PCDHA1: variants seen among roughly 807,000 people sequenced by gnomAD.
PCDHA1 encodes the protein protocadherin alpha 1.
Under a neutral mutation model 61.3 loss-of-function variants are expected in PCDHA1, and 42 were observed. That is an observed-to-expected ratio of 0.69 (90% CI 0.54 to 0.89). PCDHA1 has a LOEUF of 0.89. Among genes scored for constraint, PCDHA1 ranks in the 40% least tolerant of loss-of-function variants. The pLI, the probability that PCDHA1 is intolerant of heterozygous loss-of-function variation, is 0.00. For missense variants in PCDHA1, 1,256 were observed against 1,235.3 expected, an observed-to-expected ratio of 1.02 and a Z score of -0.25; for synonymous variants, 610 against 553.8, an observed-to-expected ratio of 1.10 and a Z score of -1.43.
intron 1 of PCDHA1, chr5:140,834,773 T>G (rs1773277984): frequency 1.9e-6 from 3 of 1,613,730 alleles, no homozygotes; most frequent in African/African-American, 1.3e-5. Flanking sequence ...ACGACAACCC[T>G]CCGGTGTTCC....
rs1374151299 is a variant in PCDHA1 at position 141,010,790 on chromosome 5, A to G, written c.*853A>G. The G allele has an allele frequency of 2.0e-5, 3 of 153,822 alleles. No homozygotes were observed. Among genetic ancestry groups the G allele is most frequent in the Admixed American group, 6.5e-5 (1 of 15,286 alleles). The allele number at this position is 153,822 out of a possible 1,614,324, so 9.5% of individuals were successfully genotyped here. Reference sequence around the variant, plus strand: ...CTTTTCCAATACTTATGCAAAAGCAAAAGAAAACCCCGACACCTCACCTTT... The same window carrying G: ...CTTTTCCAATACTTATGCAAAAGCAGAAGAAAACCCCGACACCTCACCTTT... On this transcript the variant is annotated 3_prime_UTR_variant, in exon 4 of 4. Coordinates refer to ENST00000504120, the MANE Select transcript of PCDHA1 (RefSeq NM_018900.4).
At chr5:140,798,866 A>G (rs1426927242) in intron 1 of PCDHA1, among the ~76,000 whole-genome samples, 1 of 152,182 alleles carries the variant, frequency 6.6e-6, no homozygotes, top group Non-Finnish European at 1.5e-5. Flanking sequence ...GTCCTCTACT[A>G]TTTAGTTCTT....
chr5:140,867,485 T>C (rs1329188157), intron 1 of PCDHA1: 1 of 152,044 alleles, frequency 6.6e-6, no homozygotes, highest in Non-Finnish European at 1.5e-5. Context: ...AAAGAGTAAA[T>C]ATGAAAAAAG....
At position 140,946,611 on chromosome 5, in the gene PCDHA1, A is replaced by AATATATATATATATATAT. The variant is rs1554217734; in HGVS notation, c.2395-32334_2395-32317dup. Among the ~76,000 whole-genome samples, 487 of 86,718 alleles carry AATATATATATATATATAT rather than the reference A, an allele frequency of 5.6e-3. 17 individuals are homozygous for AATATATATATATATATAT. The highest frequency in any genetic ancestry group is 0.01 in the African/African-American group (158 of 15,660). 56.9% of individuals were successfully genotyped at this position (86,718 alleles called of 152,430 possible). The stretch of plus-strand genomic sequence containing the variant: ...GGATGAATAGATAAAGAAAATGTGA[A>AATATATATATATATATAT]ATATATATATATATATATATACAAT... On this transcript the variant is annotated intron_variant, in intron 1 of 3. Coordinates refer to ENST00000504120, the MANE Select transcript of PCDHA1 (RefSeq NM_018900.4).
chr5:140,927,078 C>T, intron 1 of PCDHA1: 1 of 1,611,014 alleles, frequency 6.2e-7, no homozygotes, highest in Non-Finnish European at 8.5e-7. Context: ...CCAGCCACCG[C>T]GAGCTCTACT....
intron 1 of PCDHA1, among the ~76,000 whole-genome samples, chr5:140,789,030 T>G (rs1554118351): frequency 6.6e-6 from 1 of 152,240 alleles, no homozygotes; most frequent in East Asian, 1.9e-4. Context: ...TGTTATCTTT[T>G]CTGGTGAAAT....
intron 1 of PCDHA1, among the ~76,000 whole-genome samples, chr5:140,912,343 ATTTTT>A (rs35252606): frequency 7.0e-6 from 1 of 143,858 alleles, no homozygotes; most frequent in Non-Finnish European, 1.5e-5. Context: ...TACACTAAGT[ATTTTT>A]TTTTTTTTTT....
chr5:140,978,994 G>A lies in PCDHA1; in HGVS notation c.2440G>A (p.Ala814Thr). The A allele has an allele frequency of 6.2e-7, 1 of 1,614,152 alleles. No homozygotes were observed. The highest frequency in any genetic ancestry group is 8.5e-7 in the Non-Finnish European group (1 of 1,180,022). The change falls in exon 2 of 4, where the codon GCA (alanine) becomes ACA (threonine). Residue 814 changes from alanine to threonine, a missense_variant. Coordinates refer to ENST00000504120, the MANE Select transcript of PCDHA1 (RefSeq NM_018900.4). ...CTGGCGTTACTCTGCCTCCCTGAGA[G>A]CAGGCATGCACAGGTATGTATTTCC... ...PDWRYSASLR[A>T]GMHSSVHLEE... is the part of the protein sequence containing the mutation.
rs782520846 is a variant in PCDHA1, at chr5:140,842,848, G to T, written c.2394+54164G>T. On this transcript the variant is annotated intron_variant, in intron 1 of 3. Coordinates refer to ENST00000504120, the MANE Select transcript of PCDHA1 (RefSeq NM_018900.4). ...AGCGCTCGCTGTCGAGCTACATTTC[G>T]GTGCACACGGAGAGCGGCAAGGTGT... The T allele has an allele frequency of 1.9e-6, 3 of 1,593,918 alleles. 1 individual carries two copies. Among genetic ancestry groups the T allele is most frequent in the Non-Finnish European group, 2.6e-6 (3 of 1,165,378 alleles).
intron 1 of PCDHA1, among the ~76,000 whole-genome samples, chr5:140,838,279 A>AT (rs1775640988): frequency 3.2e-5 from 2 of 62,672 alleles, no homozygotes; most frequent in Non-Finnish European, 5.9e-5. Context: ...AAGCCATGCT[A>AT]ATTTTTTTTT....
intron 1 of PCDHA1, among the ~76,000 whole-genome samples, chr5:140,974,729 G>C (rs1007565470): frequency 2.6e-5 from 4 of 152,032 alleles, no homozygotes; most frequent in African/African-American, 9.7e-5. Flanking sequence ...TCGAACTCCT[G>C]TCTCCACCTT....
At chr5:140,795,234 C>T (rs1474265282) in intron 1 of PCDHA1, 3 of 1,614,200 alleles carry the variant, frequency 1.9e-6, no homozygotes, top group South Asian at 1.1e-5. Flanking sequence ...ATTCTCGGAT[C>T]GACCGGGAGG....
chr5:140,966,767 A>G, intron 1 of PCDHA1: 1 of 1,484,362 alleles, frequency 6.7e-7, no homozygotes, highest in Non-Finnish European at 8.9e-7. Context: ...GCCAGTGGCT[A>G]TGGAGCAGGC....
chr5:140,850,292 C>G lies in PCDHA1; in HGVS notation c.2394+61608C>G, dbSNP rs2150478092. The stretch of plus-strand genomic sequence containing the variant: ...TGGGGAAGGTGCGCGCAGTGGACGC[C>G]GACTCGGGCTACAACGCGTGGCTTT... On this transcript the variant is annotated intron_variant, in intron 1 of 3. Transcript: ENST00000504120. 30 of 1,595,922 alleles carry G rather than the reference C, an allele frequency of 1.9e-5. 3 individuals are homozygous for G. The highest frequency in any genetic ancestry group is 6.7e-5 in the East Asian group (3 of 44,830).
intron 3 of PCDHA1, among the ~76,000 whole-genome samples, chr5:141,008,048 G>A (rs2098358764): frequency 1.3e-5 from 2 of 151,972 alleles, no homozygotes; most frequent in South Asian, 4.2e-4. Flanking sequence ...TTTGTAACAG[G>A]GGTCCAGTCC....
At chr5:140,807,000 T>G in intron 1 of PCDHA1, 2 of 726,976 alleles carry the variant, frequency 2.8e-6, no homozygotes, top group Non-Finnish European at 4.5e-6. Context: ...GATGTCGCTC[T>G]TTACCACAAA....
intron 1 of PCDHA1, among the ~76,000 whole-genome samples, chr5:140,885,154 T>C (rs1483016887): frequency 2.0e-5 from 3 of 152,168 alleles, no homozygotes; most frequent in African/African-American, 7.2e-5. Context: ...GTTTTGATTG[T>C]CTCTACTTTT....
intron 1 of PCDHA1, chr5:140,867,695 C>T (rs1283173997): frequency 6.6e-6 from 1 of 151,790 alleles, no homozygotes; most frequent in African/African-American, 2.4e-5. Context: ...TCTTTTTTTC[C>T]TCCTAAATCC....
intron 1 of PCDHA1, chr5:140,929,415 C>A: frequency 6.6e-7 from 1 of 1,504,268 alleles, no homozygotes; most frequent in Non-Finnish European, 8.9e-7. Context: ...CCTTTCACAA[C>A]ATTTCATCAA....
Sources: allele counts gnomAD v4.1 joint callset (sites outside exome capture counted in the v4.1 genomes callset), GRCh38; gene constraint gnomAD v4.1.1; transcripts MANE v1.5; gene names NCBI Gene and HGNC (gene_info 2026-07-23, HGNC 2026-07-21).